Variants in THADA observed in about 807,000 individuals in gnomAD.
THADA encodes the protein tRNA (32-2'-O)-methyltransferase regulator THADA.
THADA carries 213 observed loss-of-function variants against 219.8 expected under a neutral mutation model. The observed-to-expected ratio is 0.97, with a 90% CI of 0.87 to 1.09. THADA has a LOEUF of 1.09. THADA is among the 50% of genes least tolerant of loss of function. THADA has a pLI of 0.00. For missense variants in THADA, 2,956 were observed against 2,311.3 expected (o/e 1.28, Z -5.72); for synonymous variants, 1,018 against 828.9 (o/e 1.23, Z -3.92).
At chr2:43,306,698 C>G (rs751323586) in intron 31 of THADA, among the ~76,000 whole-genome samples, 8 of 152,176 alleles carry the variant, frequency 5.3e-5, no homozygotes, top group Non-Finnish European at 8.8e-5. Flanking sequence ...CAAAATCCAA[C>G]AAAATCTGGT....
chr2:43,279,805 C>T lies in THADA; in HGVS notation c.5256G>A (p.Val1752=). The change falls in exon 36 of 38, where the codon GTG becomes GTA. Residue 1752 remains valine (V), a synonymous_variant. Transcript: ENST00000405975. The part of the protein sequence containing the change: ...QAVRDAATET[V]TTAMSQENTC... ...TATTTTCTTGTGACATGGCAGTTGT[C>T]ACGGTTTCCGTGGCTGCATCTCTAA... 1 of 1,553,846 alleles carries T rather than the reference C, an allele frequency of 6.4e-7. No individual in the cohort carries two copies. Among genetic ancestry groups the T allele is most frequent in the East Asian group, 2.4e-5 (1 of 41,916 alleles).
Position 43,344,136 on chromosome 2 carries a change from G to C in THADA, c.4329C>G (p.Leu1443=), listed in dbSNP as rs1667365024. 1 of 1,609,880 alleles carries C rather than the reference G, an allele frequency of 6.2e-7. No homozygotes were observed. Among genetic ancestry groups the C allele is most frequent in the South Asian group, 1.1e-5 (1 of 89,758 alleles). ...TDITVCTKAK[L]WLAKRQNPCL... is the part of the protein sequence containing the mutation. The stretch of plus-strand genomic sequence containing the variant: ...TTTTAACATACCTCTTGGCCAGCCA[G>C]AGTTTGGCTTTGGTACAAACAGTGA... The change falls in exon 30 of 38, where the codon CTC becomes CTG. Residue 1443 remains leucine, a synonymous_variant. Coordinates refer to ENST00000405975, the MANE Select transcript of THADA (RefSeq NM_022065.5).
chr2:43,231,302 A>G lies in THADA; in HGVS notation c.5508T>C (p.Phe1836=). Residue 1836 remains phenylalanine, a synonymous_variant, in exon 38 of 38, where the codon TTT becomes TTC. Transcript: ENST00000405975. ...DYLFEKAEVN[F]WAETLIFVKY... is the part of the protein sequence containing the mutation. ...TCACAAAGATCAGGGTCTCGGCCCA[A>G]AAGTTGACTTCTGCTTTTTCAAACA... 2 of 1,574,164 alleles carry G rather than the reference A, an allele frequency of 1.3e-6. No individual in the cohort carries two copies. Among genetic ancestry groups the G allele is most frequent in the South Asian group, 2.4e-5 (2 of 84,132 alleles).
intron 26 of THADA, among the ~76,000 whole-genome samples, chr2:43,484,085 A>T (rs1221059583): frequency 6.6e-6 from 1 of 152,084 alleles, no homozygotes; most frequent in Non-Finnish European, 1.5e-5. Flanking sequence ...TATTTAAAAA[A>T]TACTCAGTTA....
intron 16 of THADA, among the ~76,000 whole-genome samples, chr2:43,557,880 G>C (rs1159921637): frequency 1.3e-5 from 2 of 152,180 alleles, no homozygotes; most frequent in African/African-American, 2.4e-5. Context: ...CAAATGTGCT[G>C]ATTTAAATAT....
chr2:43,425,510 C>G (rs936449354), intron 28 of THADA, among the ~76,000 whole-genome samples: 2 of 147,912 alleles, frequency 1.4e-5, no homozygotes, highest in African/African-American at 5.0e-5. Flanking sequence ...TTTAATATCC[C>G]AAGTTTAATT....
intron 36 of THADA, among the ~76,000 whole-genome samples, chr2:43,273,286 A>G (rs1429470608): frequency 2.6e-5 from 4 of 151,640 alleles, no homozygotes; most frequent in Admixed American, 2.0e-4. Context: ...AAAAAAAAAG[A>G]AGAAAAAGAA....
chr2:43,255,375 A>T (rs1234649586), intron 36 of THADA, among the ~76,000 whole-genome samples: 1 of 152,170 alleles, frequency 6.6e-6, no homozygotes, highest in Non-Finnish European at 1.5e-5. Flanking sequence ...TCCAAACCAT[A>T]ATTATTAAGG....
chr2:43,356,940 A>T (rs1400907841), intron 29 of THADA, among the ~76,000 whole-genome samples: 3 of 152,198 alleles, frequency 2.0e-5, no homozygotes, highest in Admixed American at 2.0e-4. Flanking sequence ...GCAACTACCA[A>T]ATGCTCAACT....
chr2:43,593,622 A>T (rs981456274), intron 1 of THADA, among the ~76,000 whole-genome samples: 3 of 150,200 alleles, frequency 2.0e-5, no homozygotes, highest in Admixed American at 1.3e-4. Context: ...TTATTTGTCT[A>T]CTACAGACTT....
At chr2:43,315,269 A>T (rs1431814884) in intron 31 of THADA, among the ~76,000 whole-genome samples, 2 of 152,224 alleles carry the variant, frequency 1.3e-5, no homozygotes, top group African/African-American at 4.8e-5. Context: ...AAATTAGTAA[A>T]ATAGAAAATA....
At chr2:43,533,157 A>T (rs549359739) in intron 21 of THADA, among the ~76,000 whole-genome samples, 1 of 152,378 alleles carries the variant, frequency 6.6e-6, no homozygotes, top group Admixed American at 6.5e-5. Context: ...ATCACTGGTC[A>T]TTAGAGAAAT....
At chr2:43,279,670 A>G (rs1572889931) in intron 36 of THADA, 95 bp downstream of exon 36, 3 of 1,434,270 alleles carry the variant, frequency 2.1e-6, no homozygotes, top group Admixed American at 3.3e-5. Flanking sequence ...CAAATGACCA[A>G]CAATGCCTAA....
intron 22 of THADA, among the ~76,000 whole-genome samples, chr2:43,518,451 A>C (rs1692008158): frequency 6.6e-6 from 1 of 152,142 alleles, no homozygotes; most frequent in East Asian, 1.9e-4. Flanking sequence ...TTCCTACTGA[A>C]ATCCCCAAAC....
intron 8 of THADA, among the ~76,000 whole-genome samples, chr2:43,579,034 G>A (rs545144380): frequency 2.0e-5 from 3 of 152,256 alleles, no homozygotes; most frequent in Admixed American, 6.5e-5. Context: ...GTTTCACCAC[G>A]TTGGCCATGA....
chr2:43,406,154 G>A (rs889191556), intron 28 of THADA, among the ~76,000 whole-genome samples: 1 of 152,178 alleles, frequency 6.6e-6, no homozygotes, highest in Non-Finnish European at 1.5e-5. Flanking sequence ...GCAACCTGAC[G>A]TGGCAGAAAC....
At chr2:43,383,973 C>A (rs1573383724) in intron 29 of THADA, among the ~76,000 whole-genome samples, 2 of 152,228 alleles carry the variant, frequency 1.3e-5, no homozygotes, top group South Asian at 4.1e-4. Context: ...TAGGCTTCTA[C>A]CATCACTCCT....
In THADA at chr2:43,574,591, G is replaced by C. The variant is rs1365991732; in HGVS notation, c.1474C>G (p.Pro492Ala). The change falls in exon 11 of 38, where the codon CCT becomes GCT. Residue 492 changes from proline (P) to alanine (A), a missense_variant. Coordinates refer to ENST00000405975, the MANE Select transcript of THADA (RefSeq NM_022065.5). ...GTTTCCAAGAGGTCACTTGCATAAG[G>C]TACCAATGACTGGTCTCCCATCACC... ...LEVMGDQSLV[P>A]YASDLLETMF... 6.2e-7 allele frequency: 1 copy of C among 1,613,920 alleles called. No homozygotes were observed. The highest frequency in any genetic ancestry group is 1.1e-5 in the South Asian group (1 of 91,080).
chr2:43,589,438 T>C (rs907228941), intron 4 of THADA, among the ~76,000 whole-genome samples: 1 of 152,244 alleles, frequency 6.6e-6, no homozygotes, highest in African/African-American at 2.4e-5. Flanking sequence ...GAACGGAAAG[T>C]GGCTGCCAAG....
Sources: allele counts gnomAD v4.1 joint callset (sites outside exome capture counted in the v4.1 genomes callset), GRCh38; gene constraint gnomAD v4.1.1; transcripts MANE v1.5; gene names NCBI Gene and HGNC (gene_info 2026-07-23, HGNC 2026-07-21).